The following TBC1D4 variants were observed in gnomAD, a reference collection of about 807,000 sequenced individuals.
TBC1D4 encodes the protein TBC1 domain family member 4.
A neutral mutation model predicts 142.5 loss-of-function variants in TBC1D4; 121 were observed. The ratio of observed to expected loss-of-function variants is 0.85; its 90% confidence interval spans 0.73 to 0.99. The LOEUF (loss-of-function observed/expected upper bound fraction) is 0.99. TBC1D4 is among the 50% of genes least tolerant of loss of function. The pLI is 0.00. For synonymous variants in TBC1D4, 630 were observed against 628.2 expected (o/e 1.00, Z -0.04); for missense variants, 1,475 against 1,606.6 (o/e 0.92, Z 1.40).
At position 75,286,784 on chromosome 13, in the gene TBC1D4, C is replaced by G. The variant is rs1874715184; in HGVS notation, c.*8G>C. Reference sequence around the variant, plus strand: ...GGAGCACTTTCTGCTGAGGCCGTGCCTCTTCAATTATGGCTTATTTCCTAT... The same window carrying G: ...GGAGCACTTTCTGCTGAGGCCGTGCGTCTTCAATTATGGCTTATTTCCTAT... On this transcript the variant is annotated 3_prime_UTR_variant, in exon 21 of 21. Coordinates refer to ENST00000377636, the MANE Select transcript of TBC1D4 (RefSeq NM_014832.5). The G allele has an allele frequency of 1.9e-6, 3 of 1,612,946 alleles. No individual in the cohort carries two copies. The African/African-American group carries it at 4.0e-5, about 22-fold the overall frequency.
chr13:75,471,691 T>C (rs1888406596), intron 1 of TBC1D4, among the ~76,000 whole-genome samples: 2 of 150,170 alleles, frequency 1.3e-5, no homozygotes, highest in African/African-American at 2.5e-5. Flanking sequence ...TGAGCCGAGA[T>C]TGGGCCACTA....
chr13:75,445,599 T>C (rs1482280325), intron 1 of TBC1D4, among the ~76,000 whole-genome samples: 1 of 152,210 alleles, frequency 6.6e-6, no homozygotes, highest in Non-Finnish European at 1.5e-5. Flanking sequence ...GAGTAAAATG[T>C]AGCAGTGGTA....
At chr13:75,416,740 C>T (rs529788913) in intron 1 of TBC1D4, among the ~76,000 whole-genome samples, 5 of 152,162 alleles carry the variant, frequency 3.3e-5, no homozygotes, top group Admixed American at 6.5e-5. Context: ...AGTCTTCATT[C>T]GGTAAATACC....
intron 19 of TBC1D4, among the ~76,000 whole-genome samples, chr13:75,290,245 G>A (rs1875150722): frequency 6.6e-6 from 1 of 152,010 alleles, no homozygotes; most frequent in Non-Finnish European, 1.5e-5. Flanking sequence ...TCTAGATGTT[G>A]AGATTTATAG....
intron 8 of TBC1D4, among the ~76,000 whole-genome samples, chr13:75,334,739 A>T (rs1458175148): frequency 6.6e-6 from 1 of 151,626 alleles, no homozygotes; most frequent in African/African-American, 2.4e-5. Flanking sequence ...ACGCAACACC[A>T]CACCCGGCTC....
chr13:75,359,697 C>A, intron 3 of TBC1D4, 72 bp downstream of exon 3: 1 of 1,220,500 alleles, frequency 8.2e-7, no homozygotes, highest in Non-Finnish European at 1.2e-6. Context: ...GGGGGTCAAG[C>A]CCACTTATTT....
intron 4 of TBC1D4, among the ~76,000 whole-genome samples, 198 bp downstream of exon 4, chr13:75,355,949 G>T (rs1057404966): frequency 1.2e-4 from 18 of 152,186 alleles, no homozygotes; most frequent in African/African-American, 4.1e-4. Flanking sequence ...ACAAAAGTAT[G>T]TAGGCATATA....
chr13:75,421,307 T>A (rs928150187), intron 1 of TBC1D4, among the ~76,000 whole-genome samples: 1 of 152,154 alleles, frequency 6.6e-6, no homozygotes, highest in Non-Finnish European at 1.5e-5. Context: ...GAACTTGGCT[T>A]CAGCCTCTCC....
Position 75,285,736 on chromosome 13 carries a change from T to C in TBC1D4, c.*1056A>G, listed in dbSNP as rs1874609615. 6.6e-6 allele frequency: 1 copy of C among 152,642 alleles called. No individual in the cohort carries two copies. The highest frequency in any genetic ancestry group is 2.4e-5 in the African/African-American group (1 of 41,460). 9.5% of individuals were successfully genotyped at this position (152,642 alleles called of 1,614,324 possible). A position where few individuals can be genotyped will look rare whatever the true frequency, so the allele number is the denominator to read the frequency against. On this transcript the variant is annotated 3_prime_UTR_variant, in exon 21 of 21. Transcript: ENST00000377636. ...TTAAAGCTTATTAGATTCTGTCAAT[T>C]GGTCAAAAGAAAAAATGTATTTCAA...
intron 7 of TBC1D4, among the ~76,000 whole-genome samples, chr13:75,340,917 G>C (rs1479064352): frequency 6.6e-6 from 1 of 152,038 alleles, no homozygotes; most frequent in Non-Finnish European, 1.5e-5. Flanking sequence ...TTGCACTCCA[G>C]CCTGGGCAAC....
chr13:75,396,373 C>A (rs1414777113), intron 1 of TBC1D4, among the ~76,000 whole-genome samples: 6 of 152,164 alleles, frequency 3.9e-5, no homozygotes, highest in Admixed American at 3.9e-4. Flanking sequence ...TATTCCAGAT[C>A]TTGTTGACTA....
At chr13:75,420,690 T>C (rs2138117818) in intron 1 of TBC1D4, among the ~76,000 whole-genome samples, 1 of 152,312 alleles carries the variant, frequency 6.6e-6, no homozygotes, top group East Asian at 1.9e-4. Flanking sequence ...CCCCACACAA[T>C]TATGCTTCCT....
chr13:75,376,246 T>C (rs529281151), intron 1 of TBC1D4, among the ~76,000 whole-genome samples: 1 of 152,304 alleles, frequency 6.6e-6, no homozygotes, highest in African/African-American at 2.4e-5. Flanking sequence ...TCAAAGACTG[T>C]CACAGGACTA....
chr13:75,351,308 G>C (rs1002329675), intron 4 of TBC1D4, among the ~76,000 whole-genome samples: 4 of 151,980 alleles, frequency 2.6e-5, no homozygotes, highest in Non-Finnish European at 5.9e-5. Context: ...ATATTATCTA[G>C]TCTAATTCTC....
At chr13:75,352,508 C>T (rs1881680980) in intron 4 of TBC1D4, among the ~76,000 whole-genome samples, 1 of 151,916 alleles carries the variant, frequency 6.6e-6, no homozygotes, top group Non-Finnish European at 1.5e-5. Flanking sequence ...CTCTTTAAAC[C>T]TATTTTAGAG....
intron 4 of TBC1D4, among the ~76,000 whole-genome samples, chr13:75,354,662 G>C (rs1566416669): frequency 6.6e-6 from 1 of 152,084 alleles, no homozygotes; most frequent in Non-Finnish European, 1.5e-5. Context: ...GAGGGACACA[G>C]AGAAGGAGTG....
At chr13:75,346,660 C>T (rs1280876796) in intron 5 of TBC1D4, among the ~76,000 whole-genome samples, 2 of 152,038 alleles carry the variant, frequency 1.3e-5, no homozygotes, top group Admixed American at 6.6e-5. Context: ...TGCGTATATA[C>T]CCAGTAATGG....
intron 1 of TBC1D4, among the ~76,000 whole-genome samples, chr13:75,412,202 A>G (rs1353912404): frequency 6.6e-6 from 1 of 152,208 alleles, no homozygotes; most frequent in African/African-American, 2.4e-5. Flanking sequence ...CATCTGAATG[A>G]TAATCCAGTT....
intron 1 of TBC1D4, among the ~76,000 whole-genome samples, chr13:75,451,899 T>G (rs1887548983): frequency 1.3e-5 from 2 of 152,016 alleles, no homozygotes; most frequent in South Asian, 2.1e-4. Context: ...GGCTGTTTCC[T>G]GTGAAGCAAA....
Sources: gnomAD v4.1 joint callset for allele counts (sites outside exome capture counted in the v4.1 genomes callset) on GRCh38, gnomAD v4.1.1 for gene constraint, MANE v1.5 for transcripts, NCBI Gene and HGNC (gene_info 2026-07-23, HGNC 2026-07-21) for gene names.